RNF111: variants seen among roughly 807,000 people sequenced by gnomAD.
RNF111 encodes the protein ring finger protein 111.
In RNF111, 17 loss-of-function variants were observed where a neutral mutation model predicts 95.1. The ratio of observed to expected loss-of-function variants is 0.18; its 90% CI spans 0.12 to 0.27. RNF111 has a LOEUF of 0.27. Among genes scored for constraint, RNF111 ranks in the 10% least tolerant of loss-of-function variants. The pLI, the probability that RNF111 is intolerant of heterozygous loss-of-function variation, is 1.00. For missense variants in RNF111, 1,189 were observed against 1,210.4 expected, an observed-to-expected ratio of 0.98 and a Z score of 0.26; for synonymous variants, 440 against 414.8, an observed-to-expected ratio of 1.06 and a Z score of -0.74.
intron 1 of RNF111, among the ~76,000 whole-genome samples, chr15:58,990,554 G>A (rs1173046822): frequency 1.3e-5 from 2 of 152,222 alleles, no homozygotes; most frequent in East Asian, 1.9e-4. Context: ...GGAAGCTGAG[G>A]CAGGAGAATG....
intron 6 of RNF111, among the ~76,000 whole-genome samples, chr15:59,071,356 G>C (rs566844927): frequency 6.6e-6 from 1 of 150,592 alleles, no homozygotes; most frequent in East Asian, 2.0e-4. Flanking sequence ...CTATAGAGTA[G>C]AGGTGAAAGT....
chr15:59,031,675 C>T lies in RNF111; in HGVS notation c.853C>T (p.His285Tyr), dbSNP rs1386532706. The change falls in exon 2 of 14, where the codon CAC becomes TAC. Residue 285 changes from histidine (H) to tyrosine (Y), a missense_variant. His to Tyr is a moderately conservative substitution (Grantham distance 83). Coordinates refer to ENST00000348370, the MANE Select transcript of RNF111 (RefSeq NM_017610.8). ...TTTGTTTGTTTCTGCCAGTGAAAAC[C>T]ACCAAAACAATCCAGCTGTTCCCTC... ...EDLFVSASEN[H>Y]QNNPAVPSGS... The T allele has an allele frequency of 6.2e-7, 1 of 1,613,864 alleles. No homozygotes were observed. Among genetic ancestry groups the T allele is most frequent in the Non-Finnish European group, 8.5e-7 (1 of 1,179,970 alleles).
intron 7 of RNF111, among the ~76,000 whole-genome samples, chr15:59,077,909 G>A (rs10851642): frequency 0.26 from 39,424 of 152,080 alleles, 5,260 homozygotes; most frequent in Middle Eastern, 0.42. Context: ...CTGAAGGAGT[G>A]TGTGTATTCT....
At chr15:59,094,505 C>T (rs752269694) in intron 13 of RNF111, among the ~76,000 whole-genome samples, 5 of 152,154 alleles carry the variant, frequency 3.3e-5, no homozygotes, top group African/African-American at 4.8e-5. Context: ...TTGGCAGCTC[C>T]TGTACCAAAA....
chr15:59,000,585 C>A (rs2039282343), intron 1 of RNF111, among the ~76,000 whole-genome samples: 1 of 151,758 alleles, frequency 6.6e-6, no homozygotes, highest in Non-Finnish European at 1.5e-5. Context: ...TGGCGGGCGC[C>A]TATAATCCTA....
At chr15:59,018,579 C>G (rs532922787) in intron 1 of RNF111, among the ~76,000 whole-genome samples, 1 of 152,098 alleles carries the variant, frequency 6.6e-6, no homozygotes, top group South Asian at 2.1e-4. Flanking sequence ...TATACAGAAA[C>G]TTATAAAGGG....
chr15:58,998,895 T>C (rs1485032392), intron 1 of RNF111, among the ~76,000 whole-genome samples: 1 of 152,210 alleles, frequency 6.6e-6, no homozygotes, highest in Non-Finnish European at 1.5e-5. Context: ...ACAATATTTT[T>C]CAGATGACCA....
At chr15:59,067,683 A>G (rs1486952245) in intron 6 of RNF111, among the ~76,000 whole-genome samples, 1 of 152,186 alleles carries the variant, frequency 6.6e-6, no homozygotes, top group Non-Finnish European at 1.5e-5. Context: ...AAGGCTTTTG[A>G]TGTTTTTAGT....
chr15:59,028,524 A>G (rs2040739571), intron 1 of RNF111, among the ~76,000 whole-genome samples: 2 of 152,282 alleles, frequency 1.3e-5, no homozygotes, highest in African/African-American at 4.8e-5. Flanking sequence ...TCTCTCTCAT[A>G]GTGTGAGTAA....
intron 2 of RNF111, among the ~76,000 whole-genome samples, chr15:59,031,961 CAG>C (rs762209145): frequency 4.3e-4 from 65 of 151,234 alleles, no homozygotes; most frequent in Admixed American, 1.3e-3. Context: ...TTTTCTGAAA[CAG>C]AGTCTCACTT....
intron 2 of RNF111, among the ~76,000 whole-genome samples, chr15:59,045,304 C>T (rs1296841686): frequency 6.6e-6 from 1 of 151,840 alleles, no homozygotes. Flanking sequence ...GATTCTCCTG[C>T]CTCAGCCTCC....
intron 6 of RNF111, among the ~76,000 whole-genome samples, chr15:59,074,672 A>G (rs1401153995): frequency 3.9e-5 from 6 of 152,198 alleles, no homozygotes; most frequent in Non-Finnish European, 8.8e-5. Flanking sequence ...AACTTTCTTT[A>G]GATCAGCAAT....
chr15:59,046,309 T>G (rs1323669597), intron 2 of RNF111, among the ~76,000 whole-genome samples: 8 of 147,078 alleles, frequency 5.4e-5, no homozygotes, highest in African/African-American at 2.2e-4. Flanking sequence ...TCCTCCCACG[T>G]CAGCCTCCTG....
chr15:59,072,450 CTTT>C (rs35989790), intron 6 of RNF111, among the ~76,000 whole-genome samples: 123 of 102,780 alleles, frequency 1.2e-3, no homozygotes, highest in African/African-American at 2.3e-3. Context: ...TCATTTCCAT[CTTT>C]TTTTTTTTTT....
chr15:59,021,187 G>A (rs561346807), intron 1 of RNF111, among the ~76,000 whole-genome samples: 3 of 152,100 alleles, frequency 2.0e-5, no homozygotes, highest in Non-Finnish European at 4.4e-5. Flanking sequence ...GTCTTGCTCT[G>A]TTGCCCAGGA....
At chr15:59,042,679 C>T (rs2041524203) in intron 2 of RNF111, among the ~76,000 whole-genome samples, 1 of 152,078 alleles carries the variant, frequency 6.6e-6, no homozygotes, top group Non-Finnish European at 1.5e-5. Context: ...CAGTCATTAA[C>T]ATCTTTTTCC....
At chr15:59,062,630 T>C (rs1347178068) in intron 5 of RNF111, among the ~76,000 whole-genome samples, 1 of 152,218 alleles carries the variant, frequency 6.6e-6, no homozygotes, top group Non-Finnish European at 1.5e-5. Context: ...TTATTGAGCC[T>C]ATAGTGTTGG....
At chr15:59,019,546 GT>G (rs5812958) in intron 1 of RNF111, among the ~76,000 whole-genome samples, 9,692 of 109,462 alleles carry the variant, frequency 0.089, 394 homozygotes, top group Middle Eastern at 0.12. Context: ...TTTCATATGG[GT>G]TTATACACCA....
At chr15:59,008,867 C>T (rs971974297) in intron 1 of RNF111, among the ~76,000 whole-genome samples, 6 of 152,128 alleles carry the variant, frequency 3.9e-5, no homozygotes, top group East Asian at 1.9e-4. Context: ...GAATAATAGA[C>T]GGTTGTATGT....
Sources: allele counts gnomAD v4.1 joint callset (sites outside exome capture counted in the v4.1 genomes callset), GRCh38; gene constraint gnomAD v4.1.1; transcripts MANE v1.5; gene names NCBI Gene and HGNC (gene_info 2026-07-23, HGNC 2026-07-21).